MECOM: variants seen among roughly 807,000 people sequenced by gnomAD.
The protein encoded by MECOM is histone-lysine N-methyltransferase MECOM.
A neutral mutation model predicts 116.3 loss-of-function variants in MECOM; 13 were observed. The ratio of observed to expected loss-of-function variants is 0.11; its 90% CI spans 0.07 to 0.18. The LOEUF is 0.18. MECOM is among the 10% of genes least tolerant of loss of function. The pLI, the probability that MECOM is intolerant of heterozygous loss-of-function variation, is 1.00. For synonymous variants in MECOM, 528 were observed against 535.2 expected (o/e 0.99, Z 0.19); for missense variants, 1,299 against 1,509.0 (o/e 0.86, Z 2.31).
rs373932654 is a variant in MECOM, at chr3:169,378,499, A to G, written c.375+2688T>C. Reference sequence around the variant, plus strand: ...CAAGAAAGAGAGAGAGAAAGAAAGAAAGAAAGAAAGAAAGAAAAGAAAGAA... The same window carrying G: ...CAAGAAAGAGAGAGAGAAAGAAAGAGAGAAAGAAAGAAAGAAAAGAAAGAA... On this transcript the variant is annotated intron_variant, in intron 2 of 16. Coordinates refer to ENST00000651503, the MANE Select transcript of MECOM (RefSeq NM_004991.4). Among the ~76,000 whole-genome samples, 84 of 32,136 alleles carry G rather than the reference A, an allele frequency of 2.6e-3. 10 individuals are homozygous for G. Among genetic ancestry groups the G allele is most frequent in the Middle Eastern group, 0.014 (1 of 70 alleles). 21.1% of individuals were successfully genotyped at this position (32,136 alleles called of 152,430 possible).
chr3:169,381,182 C>T lies in MECOM; in HGVS notation c.375+5G>A. 1 of 1,595,446 alleles carries T rather than the reference C, an allele frequency of 6.3e-7. No homozygotes were observed. The highest frequency in any genetic ancestry group is 1.3e-5 in the African/African-American group (1 of 74,574). On this transcript the variant is annotated splice_donor_5th_base_variant and intron_variant, in intron 2 of 16. Transcript: ENST00000651503. ...TAAATGTGTTAACTCAAAATACATT[C>T]TTACCTCCCATCCATAACTGGGGTC...
At chr3:169,154,883 T>C (rs1032395249) in intron 2 of MECOM, among the ~76,000 whole-genome samples, 1 of 152,186 alleles carries the variant, frequency 6.6e-6, no homozygotes, top group South Asian at 2.1e-4. Flanking sequence ...CCATTTTTTA[T>C]GTCTGCTGAT....
chr3:169,451,893 C>T (rs10513670), intron 1 of MECOM, among the ~76,000 whole-genome samples: 6,436 of 151,856 alleles, frequency 0.042, 352 homozygotes, highest in African/African-American at 0.13. Flanking sequence ...TAAACTGAGG[C>T]ATAAAGCCCC....
intron 1 of MECOM, among the ~76,000 whole-genome samples, chr3:169,606,869 C>A (rs946511090): frequency 1.3e-5 from 2 of 152,156 alleles, no homozygotes; most frequent in Admixed American, 1.3e-4. Context: ...TAATTCTGTT[C>A]ACATTCTATT....
intron 10 of MECOM, among the ~76,000 whole-genome samples, chr3:169,104,772 T>C (rs558775388): frequency 1.3e-5 from 2 of 152,290 alleles, no homozygotes; most frequent in South Asian, 2.1e-4. Flanking sequence ...TTGAGAGCAA[T>C]TGGCTGTTGA....
chr3:169,507,814 C>A (rs1194584005), intron 1 of MECOM, among the ~76,000 whole-genome samples: 1 of 142,196 alleles, frequency 7.0e-6, no homozygotes, highest in African/African-American at 2.7e-5. Flanking sequence ...GGCACCGCCA[C>A]CACGCCCGGC....
chr3:169,114,803 G>C (rs1728599737), intron 8 of MECOM, among the ~76,000 whole-genome samples: 1 of 152,114 alleles, frequency 6.6e-6, no homozygotes, highest in African/African-American at 2.4e-5. Context: ...AAGGAAACCG[G>C]ATAATGAAGC....
chr3:169,142,886 T>C (rs1738561397), intron 3 of MECOM, among the ~76,000 whole-genome samples: 1 of 151,970 alleles, frequency 6.6e-6, no homozygotes, highest in African/African-American at 2.4e-5. Flanking sequence ...ATATTTGATT[T>C]AGGAAACCAT....
chr3:169,327,947 C>A (rs568009851), intron 2 of MECOM, among the ~76,000 whole-genome samples: 1 of 152,156 alleles, frequency 6.6e-6, no homozygotes, highest in Non-Finnish European at 1.5e-5. Flanking sequence ...CATACTGGTA[C>A]ATGAGAGATA....
At chr3:169,457,217 A>G (rs1339978352) in intron 1 of MECOM, among the ~76,000 whole-genome samples, 1 of 152,086 alleles carries the variant, frequency 6.6e-6, no homozygotes, top group Non-Finnish European at 1.5e-5. Context: ...CAGAATCTTC[A>G]CTAATTAATA....
intron 2 of MECOM, among the ~76,000 whole-genome samples, chr3:169,212,825 G>A (rs1264519732): frequency 6.6e-6 from 1 of 150,882 alleles, no homozygotes. Flanking sequence ...GCTCCTGCTT[G>A]CCTTGAGGTC....
At chr3:169,130,153 A>C (rs1309092749) in intron 4 of MECOM, among the ~76,000 whole-genome samples, 1 of 152,250 alleles carries the variant, frequency 6.6e-6, no homozygotes, top group Non-Finnish European at 1.5e-5. Flanking sequence ...GCAGCCCTAA[A>C]AGAACAGTCA....
chr3:169,457,992 G>T (rs965596864), intron 1 of MECOM, among the ~76,000 whole-genome samples: 1 of 152,198 alleles, frequency 6.6e-6, no homozygotes, highest in Non-Finnish European at 1.5e-5. Context: ...CCCAAGCTGC[G>T]CAATGGCAGG....
chr3:169,587,979 A>T (rs928753271), intron 1 of MECOM, among the ~76,000 whole-genome samples: 2 of 152,222 alleles, frequency 1.3e-5, no homozygotes, highest in African/African-American at 4.8e-5. Flanking sequence ...ATACAGTTCC[A>T]AATTAATTTG....
Position 169,331,525 on chromosome 3 carries a change from C to T in MECOM, c.375+49662G>A, listed in dbSNP as rs889166394. On this transcript the variant is annotated intron_variant, in intron 2 of 16. Transcript: ENST00000651503. ...ACAATATATCTACAGAAATAACTTA[C>T]AGTAGAATGATAATAGAAGGCAGGA... Among the ~76,000 whole-genome samples, 4 of 152,032 alleles carry T rather than the reference C, an allele frequency of 2.6e-5. No homozygotes were observed. The East Asian group carries it at 7.7e-4, about 29-fold the overall frequency.
At position 169,205,731 on chromosome 3, in the gene MECOM, T is replaced by C. The variant is rs142692070; in HGVS notation, c.376-61899A>G. Among the ~76,000 whole-genome samples, 320 of 152,300 alleles carry C rather than the reference T, an allele frequency of 2.1e-3. 4 individuals are homozygous for C. Among genetic ancestry groups the C allele is most frequent in the African/African-American group, 7.3e-3 (304 of 41,570 alleles). On this transcript the variant is annotated intron_variant, in intron 2 of 16. Transcript: ENST00000651503. ...CTCATCTTAAGGGAGTATTTTCATGTTTTGGCCAAATTAGATCGCTTAGAA... is the reference window on the plus strand; with the variant it reads ...CTCATCTTAAGGGAGTATTTTCATGCTTTGGCCAAATTAGATCGCTTAGAA...
chr3:169,407,099 G>A (rs572904790), intron 1 of MECOM, among the ~76,000 whole-genome samples: 3 of 151,772 alleles, frequency 2.0e-5, no homozygotes, highest in South Asian at 2.1e-4. Context: ...CACCCACCTC[G>A]GCCTCCCAAA....
chr3:169,115,837 C>G lies in MECOM; in HGVS notation c.2035G>C (p.Val679Leu), dbSNP rs763071976. ...AEKYFGSTGLVGLQDKKVGAL... is the reference protein window; with the variant it reads ...AEKYFGSTGLLGLQDKKVGAL... ...CCAACTTTTTTGTCTTGCAGCCCCA[C>G]CAGTCCTGTTGAACCAAAGTATTTT... Residue 679 changes from valine to leucine, a missense_variant, in exon 8 of 17, where the codon GTG becomes CTG. Physicochemically the swap from Val to Leu is conservative, Grantham distance 32. Coordinates refer to ENST00000651503, the MANE Select transcript of MECOM (RefSeq NM_004991.4). 1.2e-6 allele frequency: 2 copies of G among 1,614,086 alleles called. No individual in the cohort carries two copies.
chr3:169,315,772 T>A (rs1719634715), intron 2 of MECOM, among the ~76,000 whole-genome samples: 1 of 152,194 alleles, frequency 6.6e-6, no homozygotes, highest in South Asian at 2.1e-4. Context: ...CATCTAGCGA[T>A]GGCATATATC....
Sources: allele counts gnomAD v4.1 joint callset (sites outside exome capture counted in the v4.1 genomes callset), GRCh38; gene constraint gnomAD v4.1.1; transcripts MANE v1.5; gene names NCBI Gene and HGNC (gene_info 2026-07-23, HGNC 2026-07-21).